Variants in NLGN3 observed in about 807,000 individuals in gnomAD.
NLGN3 encodes neuroligin 3.
A neutral mutation model predicts 42.9 loss-of-function variants in NLGN3; 11 were observed. The ratio of observed to expected loss-of-function variants is 0.26; its 90% confidence interval spans 0.16 to 0.42. The LOEUF is 0.42. Ranked by LOEUF, NLGN3 falls within the 10% of genes least tolerant of loss-of-function variation. The pLI is 1.00. For missense variants in NLGN3, 374 were observed against 733.8 expected (o/e 0.51, Z 5.67); for synonymous variants, 279 against 312.7 (o/e 0.89, Z 1.14).
At chrX:71,172,477 G>A (rs1295956462), downstream of NLGN3, among the ~76,000 whole-genome samples, 2 of 111,586 alleles carry the variant, frequency 1.8e-5, no homozygotes, top group East Asian at 2.8e-4. Context: ...CACTCAACTC[G>A]TTCCACTCTA....
intron 3 of NLGN3, among the ~76,000 whole-genome samples, chrX:71,149,721 G>A (rs2092383948): frequency 9.0e-6 from 1 of 111,136 alleles, no homozygotes; most frequent in African/African-American, 3.3e-5. Context: ...CCTGTCGCTG[G>A]TCTGTGGCAG....
chrX:71,148,959 C>T, intron 3 of NLGN3, 54 bp downstream of exon 3: 4 of 802,467 alleles, frequency 5.0e-6, no homozygotes, highest in Non-Finnish European at 6.9e-6. Context: ...GGCTGCCTGC[C>T]CACCTGCCCT....
At position 71,169,419 on chromosome X, in the gene NLGN3, T is replaced by C. The variant is rs1244731396; in HGVS notation, c.1869T>C (p.Phe623=). 8.3e-7 allele frequency: 1 copy of C among 1,209,295 alleles called. No homozygotes were observed. The highest frequency in any genetic ancestry group is 2.2e-5 in the Admixed American group (1 of 45,781). ...RDHYRATKVA[F]WKHLVPHLYN... Reference sequence around the variant, plus strand: ...ATTACCGGGCCACTAAGGTGGCCTTTTGGAAACATCTGGTGCCCCACCTAT... The same window carrying C: ...ATTACCGGGCCACTAAGGTGGCCTTCTGGAAACATCTGGTGCCCCACCTAT... The change falls in exon 8 of 8, where the codon TTT becomes TTC. Residue 623 remains phenylalanine (F), a synonymous_variant. Coordinates refer to ENST00000358741, the MANE Select transcript of NLGN3 (RefSeq NM_181303.2).
intron 6 of NLGN3, among the ~76,000 whole-genome samples, chrX:71,166,404 C>T (rs140879256): frequency 0.012 from 1,310 of 107,423 alleles, 26 homozygotes; most frequent in African/African-American, 0.042. Flanking sequence ...TGCAGTTAGC[C>T]GAGATCCCAC....
intron 4 of NLGN3, 70 bp from the exon 5 acceptor site, chrX:71,155,144 C>T (rs1326680299): frequency 6.0e-6 from 7 of 1,171,832 alleles, no homozygotes; most frequent in African/African-American, 1.8e-5. Flanking sequence ...CGCACCCACC[C>T]CCTGGGCTGG....
downstream of NLGN3, among the ~76,000 whole-genome samples, chrX:71,172,430 A>T (rs1030222408): frequency 9.1e-6 from 1 of 110,472 alleles, no homozygotes; most frequent in Non-Finnish European, 1.9e-5. Context: ...ACAGACCTAG[A>T]ATGCCACCCA....
chrX:71,157,888 C>T lies in NLGN3; in HGVS notation c.727+2525C>T, dbSNP rs1169258380. ...CAGGCCATTCACGCTGGCCTCCCCA[C>T]GGTCTGGTAGGCTTGGGATGTTGGG... On this transcript the variant is annotated intron_variant, in intron 5 of 7. Transcript: ENST00000358741. Among the ~76,000 whole-genome samples the T allele has an allele frequency of 3.7e-5, 4 of 109,062 alleles. 1 individual carries two copies. Among genetic ancestry groups the T allele is most frequent in the Non-Finnish European group, 3.8e-5 (2 of 52,585 alleles). 94.7% of individuals were successfully genotyped at this position (109,062 alleles called of 115,157 possible).
In NLGN3 at chrX:71,170,556, G is replaced by T; in HGVS notation, c.*459G>T. ...TCCCCAGGACTTGGTCTTTTTTCTG[G>T]GTCTTGTTTTGTTGATTTTTCTTTT... On this transcript the variant is annotated 3_prime_UTR_variant, in exon 8 of 8. Coordinates refer to ENST00000358741, the MANE Select transcript of NLGN3 (RefSeq NM_181303.2). The T allele has an allele frequency of 1.3e-6, 1 of 792,113 alleles. No individual in the cohort carries two copies. Among genetic ancestry groups the T allele is most frequent in the Non-Finnish European group, 1.5e-6 (1 of 663,279 alleles). The allele number at this position is 792,113 out of a possible 1,213,427, so 65.3% of individuals were successfully genotyped here. A position where few individuals can be genotyped will look rare whatever the true frequency, so the allele number is the denominator to read the frequency against.
intron 1 of NLGN3, among the ~76,000 whole-genome samples, chrX:71,146,153 T>TCTCACACACACA (rs1185227027): frequency 4.2e-4 from 11 of 26,338 alleles, no homozygotes; most frequent in African/African-American, 1.4e-3. Flanking sequence ...TCTCTCTCTC[T>TCTCACACACACA]CACACACACA....
At chrX:71,169,001 T>C (rs1369560097) in intron 7 of NLGN3, among the ~76,000 whole-genome samples, 1 of 110,322 alleles carries the variant, frequency 9.1e-6, no homozygotes, top group Non-Finnish European at 1.9e-5. Flanking sequence ...AAAAGATTGA[T>C]AAATGCTCAG....
intron 1 of NLGN3, among the ~76,000 whole-genome samples, chrX:71,145,809 TG>T (rs1227398830): frequency 5.3e-5 from 1 of 19,023 alleles, no homozygotes; most frequent in Admixed American, 6.6e-4. Context: ...GGGGTTAATG[TG>T]GGGGGGTTGC....
intron 5 of NLGN3, among the ~76,000 whole-genome samples, chrX:71,161,782 A>G (rs1307759692): frequency 1.8e-5 from 2 of 112,065 alleles, no homozygotes; most frequent in Non-Finnish European, 3.8e-5. Context: ...CTAAAAAAAA[A>G]TAAATAAATA....
chrX:71,151,720 G>C (rs188495639), intron 3 of NLGN3, among the ~76,000 whole-genome samples: 1 of 112,204 alleles, frequency 8.9e-6, no homozygotes, highest in East Asian at 2.8e-4. Flanking sequence ...GATTCACAAG[G>C]GACTTATCTT....
At chrX:71,153,683 T>C in intron 4 of NLGN3, 147 bp downstream of exon 4, 1 of 546,664 alleles carries the variant, frequency 1.8e-6, no homozygotes, top group Non-Finnish European at 3.1e-6. Context: ...CATCTGTCTT[T>C]GGCCCTGTTG....
chrX:71,151,683 G>A (rs1284377495), intron 3 of NLGN3, among the ~76,000 whole-genome samples: 1 of 112,440 alleles, frequency 8.9e-6, no homozygotes, highest in Non-Finnish European at 1.9e-5. Context: ...CTGAGACAAT[G>A]CAGCAACCCA....
intron 3 of NLGN3, among the ~76,000 whole-genome samples, chrX:71,153,029 C>A (rs1781295210): frequency 8.9e-6 from 1 of 112,020 alleles, no homozygotes; most frequent in Non-Finnish European, 1.9e-5. Context: ...TATCCACAAC[C>A]TCCACACTTG....
chrX:71,170,689 C>A lies in NLGN3; in HGVS notation c.*592C>A. The A allele has an allele frequency of 1.3e-6, 1 of 765,994 alleles. No individual in the cohort carries two copies. Among genetic ancestry groups the A allele is most frequent in the Non-Finnish European group, 1.5e-6 (1 of 645,904 alleles). The allele number at this position is 765,994 out of a possible 1,213,427, so 63.1% of individuals were successfully genotyped here. A position where few individuals can be genotyped will look rare whatever the true frequency, so the allele number is the denominator to read the frequency against. ...GGCTCTAGGACCCCCAGTGCTCACA[C>A]AATCAGACCAAGGAACAAGACCCCC... On this transcript the variant is annotated 3_prime_UTR_variant, in exon 8 of 8. Coordinates refer to ENST00000358741, the MANE Select transcript of NLGN3 (RefSeq NM_181303.2).
chrX:71,146,158 C>CACACACACAG (rs2092367862), intron 1 of NLGN3, among the ~76,000 whole-genome samples: 2 of 32,096 alleles, frequency 6.2e-5, no homozygotes, highest in Admixed American at 4.5e-4. Context: ...CTCTCTCACA[C>CACACACACAG]ACACACACAC....
chrX:71,167,506 G>A lies in NLGN3; in HGVS notation c.1409G>A (p.Arg470His). The A allele has an allele frequency of 8.3e-7, 1 of 1,211,157 alleles. No individual in the cohort carries two copies. The highest frequency in any genetic ancestry group is 1.1e-6 in the Non-Finnish European group (1 of 895,332). The stretch of plus-strand genomic sequence containing the variant: ...GCAGACCGTGACAACCCTGAGACCC[G>A]CCGTAAAACACTGGTGGCACTCTTC... Reference protein sequence around the residue: ...DWADRDNPETRRKTLVALFTD... With the variant: ...DWADRDNPETHRKTLVALFTD... Residue 470 changes from arginine (R) to histidine (H), a missense_variant, in exon 7 of 8, where the codon CGC (arginine) becomes CAC (histidine). Arg to His is a conservative substitution (Grantham distance 29). Coordinates refer to ENST00000358741, the MANE Select transcript of NLGN3 (RefSeq NM_181303.2).
Sources: gnomAD v4.1 joint callset for allele counts (sites outside exome capture counted in the v4.1 genomes callset) on GRCh38, gnomAD v4.1.1 for gene constraint, MANE v1.5 for transcripts, NCBI Gene and HGNC (gene_info 2026-07-23, HGNC 2026-07-21) for gene names.